Variants in PARVB observed in about 807,000 individuals in gnomAD.
The protein encoded by PARVB is beta-parvin.
Under a neutral mutation model 47.0 loss-of-function variants are expected in PARVB, and 46 were observed. That is an observed-to-expected ratio of 0.98 (90% CI 0.77 to 1.25). The LOEUF (loss-of-function observed/expected upper bound fraction) is 1.25, where lower values mean the gene tolerates loss of function less well. Among genes scored for constraint, PARVB ranks in the 50% most tolerant of loss-of-function variants. The pLI, the probability that PARVB is intolerant of heterozygous loss-of-function variation, is 0.00. For synonymous variants in PARVB, 196 were observed against 196.3 expected (o/e 1.00, Z 0.01); for missense variants, 473 against 471.6 (o/e 1.00, Z -0.03).
chr22:44,075,104 G>A lies in PARVB; in HGVS notation c.113-18824G>A, dbSNP rs558893080. On this transcript the variant is annotated intron_variant, in intron 1 of 12. Transcript: ENST00000338758. ...CCACTACGTACCCTCCCAGTGTGGG[G>A]GTGGAGGAATCGTCCCCAGTTGAGA... 2.6e-5 allele frequency among the ~76,000 whole-genome samples: 4 copies of A among 152,306 alleles called. No homozygotes were observed. In the South Asian group the frequency reaches 8.3e-4, roughly 32 times the overall value.
chr22:44,092,458 G>A (rs1247847436), intron 1 of PARVB, among the ~76,000 whole-genome samples: 1 of 152,148 alleles, frequency 6.6e-6, no homozygotes, highest in East Asian at 1.9e-4. Flanking sequence ...CTATGAAAAT[G>A]GGAATAAAAG....
intron 1 of PARVB, chr22:44,026,209 C>T: frequency 3.1e-5 from 18 of 574,324 alleles, no homozygotes; most frequent in Non-Finnish European, 4.0e-5. Flanking sequence ...GCTTCTCCTC[C>T]TTGCCTGTAT....
chr22:44,172,473 G>A lies in PARVB; in HGVS notation c.*3795G>A, dbSNP rs1437641823. ...CCAAGTGGACGCTCGGACAAGGGCAGGAAGGTATTTGCTGATTCTCCTTCT... is the reference window on the plus strand; with the variant it reads ...CCAAGTGGACGCTCGGACAAGGGCAAGAAGGTATTTGCTGATTCTCCTTCT... On this transcript the variant is annotated 3_prime_UTR_variant, in exon 13 of 13. Transcript: ENST00000338758. 6.2e-6 allele frequency: 1 copy of A among 161,098 alleles called. No homozygotes were observed. 10.0% of individuals were successfully genotyped at this position (161,098 alleles called of 1,614,324 possible).
intron 1 of PARVB, among the ~76,000 whole-genome samples, chr22:44,032,312 C>T (rs1282894231): frequency 6.6e-6 from 1 of 152,164 alleles, no homozygotes; most frequent in Non-Finnish European, 1.5e-5. Context: ...ACATGATCAG[C>T]CCTGGGAAAC....
At chr22:44,061,330 C>T (rs905013393) in intron 1 of PARVB, among the ~76,000 whole-genome samples, 2 of 152,040 alleles carry the variant, frequency 1.3e-5, no homozygotes, top group Non-Finnish European at 2.9e-5. Context: ...ATTCAGGAGG[C>T]TGAGGCTGGA....
At chr22:44,101,053 A>G (rs771755671) in intron 3 of PARVB, among the ~76,000 whole-genome samples, 18 of 152,214 alleles carry the variant, frequency 1.2e-4, no homozygotes, top group Non-Finnish European at 2.5e-4. Context: ...GGGCTGTACA[A>G]CTGTGTTTTC....
chr22:44,099,526 C>CG (rs1444700957), intron 2 of PARVB, among the ~76,000 whole-genome samples: 6 of 151,058 alleles, frequency 4.0e-5, no homozygotes, highest in Admixed American at 1.3e-4. Flanking sequence ...CATCCCCCCC[C>CG]ACCTTTTTTT....
At position 44,131,593 on chromosome 22, in the gene PARVB, G is replaced by T. The variant is rs2053322291; in HGVS notation, c.483G>T (p.Arg161=). 10 of 1,614,074 alleles carry T rather than the reference G, an allele frequency of 6.2e-6. No individual in the cohort carries two copies. The highest frequency in any genetic ancestry group is 8.5e-6 in the Non-Finnish European group (10 of 1,180,000). The change falls in exon 5 of 13, where the codon CGG becomes CGT. Residue 161 remains arginine, a synonymous_variant. Transcript: ENST00000338758. ...TGGAAGCAGTACATGACCTGCTGCG[G>T]CCCCGAGGCTGGGCGCTCCGGTGGA... is the stretch of plus-strand genomic sequence containing the variant. ...TVLEAVHDLL[R]PRGWALRWSV...
intron 3 of PARVB, chr22:44,113,564 G>T (rs28392800): frequency 1.2e-4 from 3 of 25,706 alleles, no homozygotes; most frequent in South Asian, 3.4e-3. Context: ...ACACAGATAC[G>T]TTGTTACTAA....
chr22:44,069,819 G>A (rs936814626), intron 1 of PARVB, among the ~76,000 whole-genome samples: 8 of 152,304 alleles, frequency 5.3e-5, no homozygotes, highest in African/African-American at 1.9e-4. Flanking sequence ...ATGAGCCACC[G>A]CGCCCGGCCA....
rs117474777 is a variant in PARVB at position 44,076,309 on chromosome 22, G to T, written c.113-17619G>T. On this transcript the variant is annotated intron_variant, in intron 1 of 12. Coordinates refer to ENST00000338758, the MANE Select transcript of PARVB (RefSeq NM_013327.5). Reference sequence around the variant, plus strand: ...TGTCACCTCTAGGAATGGTGAAAGGGCGGCCACCCGCAGCCCTGTGTCCTC... The same window carrying T: ...TGTCACCTCTAGGAATGGTGAAAGGTCGGCCACCCGCAGCCCTGTGTCCTC... 2.3e-3 allele frequency among the ~76,000 whole-genome samples: 343 copies of T among 152,352 alleles called. 7 individuals are homozygous for T. In the East Asian group the frequency reaches 0.049, roughly 22 times the overall value.
rs1405485735 is a variant in PARVB, at chr22:44,125,194, T to C, written c.376+6054T>C. 6.6e-6 allele frequency among the ~76,000 whole-genome samples: 1 copy of C among 152,176 alleles called. No individual in the cohort carries two copies. The highest frequency in any genetic ancestry group is 2.4e-5 in the African/African-American group (1 of 41,436). ...AAGTATATTTGGAGGGAAACATGTC[T>C]GTGTTTGTTTTGGTCACACATTCAT... On this transcript the variant is annotated intron_variant, in intron 4 of 12. Transcript: ENST00000338758. The surrounding 1 kb of genome is among the most constrained non-coding windows in gnomAD (Gnocchi z 4.1).
intron 3 of PARVB, among the ~76,000 whole-genome samples, chr22:44,117,049 T>C (rs757959693): frequency 2.0e-5 from 3 of 152,038 alleles, no homozygotes; most frequent in Admixed American, 6.5e-5. Flanking sequence ...CCTGCCTCCC[T>C]TCCTTCCTGC....
chr22:44,166,196 G>A (rs762031903), intron 12 of PARVB, among the ~76,000 whole-genome samples: 3 of 152,130 alleles, frequency 2.0e-5, no homozygotes, highest in African/African-American at 7.2e-5. Flanking sequence ...TGCAATCTCC[G>A]CCTCCTAGGT....
chr22:44,072,707 T>A (rs1446176389), intron 1 of PARVB, among the ~76,000 whole-genome samples: 1 of 152,120 alleles, frequency 6.6e-6, no homozygotes, highest in Non-Finnish European at 1.5e-5. Flanking sequence ...CTCCCAAAGT[T>A]GCTGGGATTA....
intron 1 of PARVB, among the ~76,000 whole-genome samples, chr22:44,085,703 C>T (rs948449600): frequency 6.6e-5 from 10 of 152,202 alleles, no homozygotes; most frequent in African/African-American, 1.2e-4. Context: ...GTGCCAGGTG[C>T]GAGGTCGGCT....
chr22:44,005,162 C>A lies in PARVB; in HGVS notation c.211+5489C>A, dbSNP rs530935572. 1.1e-4 allele frequency among the ~76,000 whole-genome samples: 17 copies of A among 152,234 alleles called. No individual in the cohort carries two copies. In the East Asian group the frequency reaches 3.1e-3, roughly 28 times the overall value. On this transcript the variant is annotated intron_variant, in intron 2 of 13. Coordinates refer to the PARVB transcript ENST00000406477. ...TCACCCAGGCTGGAGTGCAGTGGCA[C>A]AATCACGGCTCACTGCAGCTTCAAC...
chr22:44,158,484 G>A (rs146023720), intron 11 of PARVB, among the ~76,000 whole-genome samples: 1 of 152,290 alleles, frequency 6.6e-6, no homozygotes, highest in African/African-American at 2.4e-5. Context: ...TCTGTTACCA[G>A]CGTCTTTCCA....
intron 4 of PARVB, 53 bp from the exon 5 acceptor site, chr22:44,131,434 G>A (rs1478187483): frequency 2.5e-5 from 40 of 1,595,380 alleles, no homozygotes; most frequent in South Asian, 2.1e-4. Context: ...GAGCCACTGC[G>A]CCTGGCCCTT....
Sources: gnomAD v4.1 joint callset for allele counts (sites outside exome capture counted in the v4.1 genomes callset) on GRCh38, gnomAD v4.1.1 for gene constraint, Gnocchi (gnomAD v3.1) non-coding constraint, MANE v1.5 for transcripts, NCBI Gene and HGNC (gene_info 2026-07-23, HGNC 2026-07-21) for gene names.